Variants in FGF13 observed in about 807,000 individuals in gnomAD.
FGF13 encodes fibroblast growth factor 13, also known as fibroblast growth factor homologous factor 2.
FGF13 carries 2 observed loss-of-function variants against 19.5 expected under a neutral mutation model. The ratio of observed to expected loss-of-function variants is 0.10; its 90% confidence interval spans 0.04 to 0.32. The LOEUF (loss-of-function observed/expected upper bound fraction) is 0.32. FGF13 is among the 10% of genes least tolerant of loss of function. FGF13 has a pLI of 1.00. For missense variants in FGF13, 113 were observed against 192.7 expected (o/e 0.59, Z 2.45); for synonymous variants, 72 against 76.9 (o/e 0.94, Z 0.33).
intron 1 of FGF13, among the ~76,000 whole-genome samples, chrX:139,183,409 G>A (rs773286342): frequency 2.7e-5 from 3 of 111,565 alleles, no homozygotes; most frequent in East Asian, 2.9e-4. Flanking sequence ...ACGTTGAAAC[G>A]CGACCTCCAG....
chrX:138,920,351 G>A (rs1412120241), intron 1 of FGF13, among the ~76,000 whole-genome samples: 1 of 110,658 alleles, frequency 9.0e-6, no homozygotes, highest in East Asian at 2.8e-4. Context: ...TCGTAAGATT[G>A]ATTAAAATAA....
intron 1 of FGF13, among the ~76,000 whole-genome samples, chrX:138,935,566 G>T (rs1371694704): frequency 8.9e-6 from 1 of 111,929 alleles, no homozygotes; most frequent in Non-Finnish European, 1.9e-5. Flanking sequence ...CTCACATTTT[G>T]TACAGCCTGA....
chrX:138,785,262 T>G (rs771991980), intron 3 of FGF13, among the ~76,000 whole-genome samples: 1 of 111,493 alleles, frequency 9.0e-6, no homozygotes, highest in Non-Finnish European at 1.9e-5. Flanking sequence ...TTCTTGCATC[T>G]TAAGTTTTTC....
intron 1 of FGF13, among the ~76,000 whole-genome samples, chrX:138,972,080 A>ATGTGTGTG: frequency 1.0e-5 from 1 of 99,352 alleles, no homozygotes; most frequent in South Asian, 4.8e-4. Flanking sequence ...GTGTGTGTGT[A>ATGTGTGTG]TATCACATTT....
At chrX:138,799,864 G>A (rs1195654325) in intron 3 of FGF13, among the ~76,000 whole-genome samples, 1 of 111,035 alleles carries the variant, frequency 9.0e-6, no homozygotes, top group Non-Finnish European at 1.9e-5. Context: ...ATCTTTGTTG[G>A]TTTAAATTTG....
At chrX:139,175,339 A>G (rs1464980673) in intron 1 of FGF13, among the ~76,000 whole-genome samples, 1 of 112,420 alleles carries the variant, frequency 8.9e-6, no homozygotes, top group Non-Finnish European at 1.9e-5. Context: ...CAGTCATGTC[A>G]TCTGCATACA....
intron 4 of FGF13, among the ~76,000 whole-genome samples, chrX:138,634,760 C>T (rs1175206510): frequency 8.9e-6 from 1 of 112,004 alleles, no homozygotes; most frequent in Admixed American, 9.5e-5. Context: ...CAGATGTTGG[C>T]ATGGATGTGG....
Position 139,103,306 on chromosome X carries a change from A to G in FGF13, c.-113+100110T>C, listed in dbSNP as rs184874127. On this transcript the variant is annotated intron_variant, in intron 1 of 2. Transcript: ENST00000421460. ...CCATCAACTAATGGCTGGATAAACA[A>G]AATGTAGCATGTCCATACAATGGAA... Among the ~76,000 whole-genome samples, 10 of 112,540 alleles carry G rather than the reference A, an allele frequency of 8.9e-5. No individual in the cohort carries two copies. In the East Asian group the frequency reaches 2.8e-3, roughly 32 times the overall value.
chrX:139,178,024 G>A (rs771898584), intron 1 of FGF13, among the ~76,000 whole-genome samples: 10 of 111,966 alleles, frequency 8.9e-5, no homozygotes, highest in African/African-American at 2.9e-4. Flanking sequence ...GCTTCAGCTC[G>A]CCCTGCATGG....
At chrX:138,969,728 G>A (rs1359422780) in intron 1 of FGF13, among the ~76,000 whole-genome samples, 1 of 111,391 alleles carries the variant, frequency 9.0e-6, no homozygotes, top group Admixed American at 9.5e-5. Flanking sequence ...ATTGCCTCCC[G>A]TGTATAACAG....
At chrX:138,923,637 A>G (rs950969015) in intron 1 of FGF13, among the ~76,000 whole-genome samples, 1 of 111,472 alleles carries the variant, frequency 9.0e-6, no homozygotes, top group Non-Finnish European at 1.9e-5. Flanking sequence ...GAATTCATGC[A>G]TTCTCCTGAA....
At chrX:139,198,177 T>C (rs1292270800) in intron 1 of FGF13, among the ~76,000 whole-genome samples, 1 of 110,757 alleles carries the variant, frequency 9.0e-6, no homozygotes, top group East Asian at 2.8e-4. Context: ...TTAAGATCTG[T>C]ACATGTTACT....
chrX:138,992,734 C>T (rs2092022586), intron 1 of FGF13, among the ~76,000 whole-genome samples: 1 of 111,365 alleles, frequency 9.0e-6, no homozygotes, highest in South Asian at 3.7e-4. Flanking sequence ...GGGCAAACAC[C>T]ACAAAAGTGA....
intron 3 of FGF13, among the ~76,000 whole-genome samples, chrX:138,693,743 G>A (rs1230205797): frequency 9.0e-6 from 1 of 111,685 alleles, no homozygotes; most frequent in African/African-American, 3.2e-5. Context: ...GTTTTAATCT[G>A]AAGTTAAAAT....
intron 3 of FGF13, among the ~76,000 whole-genome samples, chrX:138,777,958 A>G (rs1230946722): frequency 8.9e-6 from 1 of 112,001 alleles, no homozygotes; most frequent in African/African-American, 3.2e-5. Flanking sequence ...GATGACTTAG[A>G]TGTTAGCATT....
At chrX:138,835,097 T>G (rs1159757590) in intron 3 of FGF13, among the ~76,000 whole-genome samples, 1 of 111,954 alleles carries the variant, frequency 8.9e-6, no homozygotes, top group Admixed American at 9.5e-5. Context: ...AATTTTAGAC[T>G]AAGTGCCATG....
intron 1 of FGF13, among the ~76,000 whole-genome samples, chrX:138,958,452 A>G (rs2124299188): frequency 8.9e-6 from 1 of 111,824 alleles, no homozygotes. Context: ...GGATTTTTGC[A>G]TCGATGTTCA....
intron 4 of FGF13, among the ~76,000 whole-genome samples, chrX:138,635,114 G>A (rs1409012490): frequency 3.6e-5 from 4 of 112,119 alleles, no homozygotes; most frequent in Admixed American, 1.9e-4. Flanking sequence ...GGAGCTGGAC[G>A]CCATTATTCG....
intron 1 of FGF13, among the ~76,000 whole-genome samples, chrX:139,025,876 C>A (rs900550279): frequency 9.0e-6 from 1 of 110,626 alleles, no homozygotes; most frequent in Non-Finnish European, 1.9e-5. Flanking sequence ...TCTGCAAAGT[C>A]CTATGGCTAT....
Sources: allele counts gnomAD v4.1 joint callset (sites outside exome capture counted in the v4.1 genomes callset), GRCh38; gene constraint gnomAD v4.1.1; transcripts MANE v1.5; gene names NCBI Gene and HGNC (gene_info 2026-07-23, HGNC 2026-07-21).